Variants in EYS observed in about 807,000 individuals in gnomAD.
EYS encodes the protein EGF-like photoreceptor maintenance factor, also known as protein eyes shut homolog.
EYS carries 250 observed loss-of-function variants against 282.1 expected under a neutral mutation model. The observed-to-expected ratio is 0.89, with a 90% CI of 0.80 to 0.98. The LOEUF is 0.98. Among genes scored for constraint, EYS ranks in the 50% least tolerant of loss-of-function variants. EYS has a pLI of 0.00. For missense variants in EYS, 4,016 were observed against 3,709.0 expected, an observed-to-expected ratio of 1.08 and a Z score of -2.15; for synonymous variants, 1,355 against 1,282.9, an observed-to-expected ratio of 1.06 and a Z score of -1.20.
intron 10 of EYS, among the ~76,000 whole-genome samples, chr6:65,342,345 G>A (rs1352168679): frequency 6.6e-6 from 1 of 150,866 alleles, no homozygotes; most frequent in African/African-American, 2.4e-5. Flanking sequence ...TAATTTAAAA[G>A]GGTTGAATCT....
At chr6:64,151,347 A>ATT (rs1774718972) in intron 31 of EYS, among the ~76,000 whole-genome samples, 5 of 113,438 alleles carry the variant, frequency 4.4e-5, no homozygotes, top group African/African-American at 2.0e-4. Context: ...ATATATATAT[A>ATT]TATATATATA....
intron 2 of EYS, among the ~76,000 whole-genome samples, chr6:65,576,957 T>C (rs1212877711): frequency 3.3e-5 from 5 of 151,806 alleles, no homozygotes; most frequent in African/African-American, 1.2e-4. Flanking sequence ...TCTTCATGGA[T>C]TAGAATAATT....
intron 5 of EYS, among the ~76,000 whole-genome samples, chr6:65,474,358 A>C (rs1010820396): frequency 2.6e-5 from 4 of 152,130 alleles, no homozygotes; most frequent in African/African-American, 9.6e-5. Context: ...TATCAAAAAT[A>C]GTTTCAGCAA....
chr6:64,604,586 T>C (rs539323076), intron 24 of EYS, among the ~76,000 whole-genome samples: 1 of 152,152 alleles, frequency 6.6e-6, no homozygotes, highest in African/African-American at 2.4e-5. Flanking sequence ...GTGAAAACTT[T>C]AAGGATAATT....
At chr6:64,020,648 G>A (rs1197014162) in intron 33 of EYS, among the ~76,000 whole-genome samples, 1 of 151,918 alleles carries the variant, frequency 6.6e-6, no homozygotes, top group Admixed American at 6.6e-5. Context: ...GATTATTTTG[G>A]GTGATTTTTG....
chr6:64,942,673 A>C (rs1477245325), intron 15 of EYS, among the ~76,000 whole-genome samples: 1 of 151,864 alleles, frequency 6.6e-6, no homozygotes, highest in African/African-American at 2.4e-5. Flanking sequence ...ATGAGAAAAA[A>C]ATTGAAATCC....
chr6:63,878,205 C>T (rs1355634620), intron 35 of EYS, among the ~76,000 whole-genome samples: 1 of 152,184 alleles, frequency 6.6e-6, no homozygotes, highest in Non-Finnish European at 1.5e-5. Flanking sequence ...AGTCAGGACC[C>T]TCAGCTGCAG....
chr6:63,917,938 A>C (rs1263227318), intron 35 of EYS, among the ~76,000 whole-genome samples: 1 of 152,168 alleles, frequency 6.6e-6, no homozygotes, highest in Non-Finnish European at 1.5e-5. Context: ...CTATTCAGAT[A>C]AGAGTCACTC....
At chr6:65,371,405 T>C (rs1765134809) in intron 8 of EYS, among the ~76,000 whole-genome samples, 1 of 151,490 alleles carries the variant, frequency 6.6e-6, no homozygotes, top group African/African-American at 2.4e-5. Flanking sequence ...GTATATAACA[T>C]TTTAGATTGG....
chr6:64,651,310 G>A (rs747080273), intron 22 of EYS, among the ~76,000 whole-genome samples: 2 of 152,146 alleles, frequency 1.3e-5, no homozygotes, highest in Admixed American at 1.3e-4. Flanking sequence ...TATATTACTT[G>A]AATGCCTCAT....
intron 26 of EYS, among the ~76,000 whole-genome samples, chr6:64,463,505 AT>A (rs1490049378): frequency 6.6e-6 from 1 of 152,174 alleles, no homozygotes; most frequent in Non-Finnish European, 1.5e-5. Flanking sequence ...CTTGATAATA[AT>A]TTTCAGTACC....
intron 41 of EYS, among the ~76,000 whole-genome samples, chr6:63,758,448 C>CT (rs1228925050): frequency 1.3e-5 from 2 of 151,986 alleles, no homozygotes; most frequent in South Asian, 2.1e-4. Flanking sequence ...TAATCTAACA[C>CT]TTTTTTTCTT....
intron 5 of EYS, among the ~76,000 whole-genome samples, chr6:65,452,045 TG>T (rs1163954482): frequency 6.6e-6 from 1 of 151,694 alleles, no homozygotes; most frequent in African/African-American, 2.4e-5. Context: ...TATGCTTAAA[TG>T]CAACTATTAG....
intron 26 of EYS, among the ~76,000 whole-genome samples, chr6:64,544,414 A>C (rs1392482905): frequency 6.6e-6 from 1 of 152,182 alleles, no homozygotes. Flanking sequence ...AGGAACATAC[A>C]TATTAGGAAC....
chr6:64,296,598 A>ATTTT (rs1173183488), intron 30 of EYS, among the ~76,000 whole-genome samples: 5 of 20,122 alleles, frequency 2.5e-4, no homozygotes, highest in Admixed American at 7.8e-4. Context: ...ATATATATAT[A>ATTTT]TTTTTTTTTT....
At chr6:63,853,753 C>A (rs937263970) in intron 36 of EYS, among the ~76,000 whole-genome samples, 1 of 152,094 alleles carries the variant, frequency 6.6e-6, no homozygotes, top group Non-Finnish European at 1.5e-5. Flanking sequence ...TTTACAGTAA[C>A]CAAAACAGCA....
chr6:64,264,216 A>C (rs889930372), intron 30 of EYS, among the ~76,000 whole-genome samples: 2 of 152,148 alleles, frequency 1.3e-5, no homozygotes, highest in African/African-American at 4.8e-5. Flanking sequence ...TAGTTAGCTA[A>C]TGCCATGTCA....
chr6:65,266,907 T>TAC (rs1554173014), intron 12 of EYS, among the ~76,000 whole-genome samples: 1 of 147,838 alleles, frequency 6.8e-6, no homozygotes, highest in Non-Finnish European at 1.5e-5. Context: ...TATATATATA[T>TAC]ACATCTTGAG....
At chr6:65,607,090 T>G (rs1199744205) in intron 2 of EYS, among the ~76,000 whole-genome samples, 1 of 151,714 alleles carries the variant, frequency 6.6e-6, no homozygotes, top group African/African-American at 2.4e-5. Context: ...TTGTGATAAT[T>G]TCTTGTGAAA....
Sources: allele counts gnomAD v4.1 joint callset (sites outside exome capture counted in the v4.1 genomes callset), GRCh38; gene constraint gnomAD v4.1.1; transcripts MANE v1.5; gene names NCBI Gene and HGNC (gene_info 2026-07-23, HGNC 2026-07-21).